GALK2: variants seen among roughly 807,000 people sequenced by gnomAD.
The protein encoded by GALK2 is N-acetylgalactosamine kinase.
GALK2 carries 36 observed loss-of-function variants against 52.4 expected under a neutral mutation model. That is an observed-to-expected ratio of 0.69 (90% confidence interval 0.53 to 0.91). GALK2 has a LOEUF of 0.91. Ranked by LOEUF, GALK2 falls within the 40% of genes least tolerant of loss-of-function variation. GALK2 has a pLI of 0.00. For synonymous variants in GALK2, 176 were observed against 199.1 expected (o/e 0.88, Z 0.98); for missense variants, 579 against 559.1 (o/e 1.04, Z -0.36).
intron 2 of GALK2, among the ~76,000 whole-genome samples, chr15:49,213,196 C>G (rs2089070938): frequency 6.6e-6 from 1 of 152,120 alleles, no homozygotes; most frequent in Non-Finnish European, 1.5e-5. Flanking sequence ...CATATATTTA[C>G]AATTGTTATA....
At chr15:49,157,961 T>C (rs949536959) in intron 1 of GALK2, among the ~76,000 whole-genome samples, 2 of 152,034 alleles carry the variant, frequency 1.3e-5, no homozygotes, top group Non-Finnish European at 2.9e-5. Flanking sequence ...TGAAGATAAG[T>C]GAAATAGTAA....
intron 3 of GALK2, among the ~76,000 whole-genome samples, chr15:49,354,938 C>A (rs889388375): frequency 3.3e-5 from 5 of 151,982 alleles, no homozygotes; most frequent in African/African-American, 1.2e-4. Context: ...GACCCCTGAC[C>A]CTCGAGCAGC....
At position 49,329,562 on chromosome 15, in the gene GALK2, A is replaced by C; in HGVS notation, c.*1403A>C. 1.0e-6 allele frequency: 1 copy of C among 984,808 alleles called. No homozygotes were observed. Among genetic ancestry groups the C allele is most frequent in the Non-Finnish European group, 1.2e-6 (1 of 829,378 alleles). The allele number at this position is 984,808 out of a possible 1,614,324, so 61.0% of individuals were successfully genotyped here. A position where few individuals can be genotyped will look rare whatever the true frequency, so the allele number is the denominator to read the frequency against. On this transcript the variant is annotated 3_prime_UTR_variant, in exon 10 of 10. Coordinates refer to ENST00000560031, the MANE Select transcript of GALK2 (RefSeq NM_002044.4). ...CTTAAAGGATAACAGTCATACATAG[A>C]ATACTAGGAAAGCCAATATTCTATT... is the stretch of plus-strand genomic sequence containing the variant.
At chr15:49,164,339 G>A (rs1198125112) in intron 1 of GALK2, among the ~76,000 whole-genome samples, 1 of 126,530 alleles carries the variant, frequency 7.9e-6, no homozygotes, top group African/African-American at 3.0e-5. Context: ...ATTAGCAAAT[G>A]TATTCCAAAA....
chr15:49,302,217 C>T (rs140421375), intron 8 of GALK2, among the ~76,000 whole-genome samples: 16 of 152,136 alleles, frequency 1.1e-4, no homozygotes, highest in African/African-American at 3.1e-4. Context: ...GCACCAATTA[C>T]GGGAGGTGAT....
intron 3 of GALK2, among the ~76,000 whole-genome samples, chr15:49,358,690 C>T (rs1252151897): frequency 1.3e-5 from 2 of 150,564 alleles, no homozygotes; most frequent in Non-Finnish European, 3.0e-5. Context: ...TCAATGCCAT[C>T]CCCATCAAGC....
chr15:49,229,978 T>G (rs545958724), intron 3 of GALK2, among the ~76,000 whole-genome samples: 1 of 152,138 alleles, frequency 6.6e-6, no homozygotes, highest in African/African-American at 2.4e-5. Flanking sequence ...AGTCTGTATT[T>G]AGGGCTCGTG....
chr15:49,159,449 C>T (rs904871199), intron 1 of GALK2, among the ~76,000 whole-genome samples: 1 of 151,670 alleles, frequency 6.6e-6, no homozygotes, highest in African/African-American at 2.4e-5. Context: ...GGCATGGTGG[C>T]GGGTGCCTGT....
At chr15:49,302,912 G>A (rs1321298579) in intron 8 of GALK2, among the ~76,000 whole-genome samples, 2 of 152,114 alleles carry the variant, frequency 1.3e-5, no homozygotes, top group South Asian at 2.1e-4. Flanking sequence ...ATAGACTGTT[G>A]TAAAACAAAG....
intron 1 of GALK2, among the ~76,000 whole-genome samples, chr15:49,172,150 A>G (rs2085145894): frequency 6.6e-6 from 1 of 152,230 alleles, no homozygotes; most frequent in Non-Finnish European, 1.5e-5. Context: ...TTGTAATAAT[A>G]AAGATCAACA....
intron 1 of GALK2, among the ~76,000 whole-genome samples, chr15:49,159,477 G>C (rs578206989): frequency 6.6e-6 from 1 of 151,470 alleles, no homozygotes; most frequent in Non-Finnish European, 1.5e-5. Flanking sequence ...GCTGGAGGCT[G>C]AGGCAGGAGA....
chr15:49,286,827 T>G (rs186758039), intron 7 of GALK2, among the ~76,000 whole-genome samples: 1 of 152,296 alleles, frequency 6.6e-6, no homozygotes, highest in African/African-American at 2.4e-5. Context: ...CCTTTTATCT[T>G]GAGGTTGATG....
At chr15:49,292,843 A>G (rs2034077470) in intron 8 of GALK2, among the ~76,000 whole-genome samples, 1 of 152,018 alleles carries the variant, frequency 6.6e-6, no homozygotes, top group South Asian at 2.1e-4. Flanking sequence ...CTACTTGTAT[A>G]AAAAATGGAC....
chr15:49,286,699 T>G (rs16962288), intron 7 of GALK2, among the ~76,000 whole-genome samples: 9,184 of 152,268 alleles, frequency 0.06, 553 homozygotes, highest in African/African-American at 0.15. Context: ...GAGAAACAGT[T>G]CTGTAAACTT....
At chr15:49,358,276 A>G (rs1327754860) in intron 3 of GALK2, among the ~76,000 whole-genome samples, 15 of 139,286 alleles carry the variant, frequency 1.1e-4, no homozygotes, top group African/African-American at 4.2e-4. Context: ...GTATTCAATT[A>G]GGAAAAGAGG....
intron 3 of GALK2, among the ~76,000 whole-genome samples, chr15:49,352,102 A>G (rs2042339504): frequency 6.6e-6 from 1 of 152,312 alleles, no homozygotes; most frequent in South Asian, 2.1e-4. Flanking sequence ...GCTGTGGCTC[A>G]TCCTCAGCTG....
At chr15:49,357,744 A>G (rs2043425870) in intron 3 of GALK2, among the ~76,000 whole-genome samples, 1 of 152,170 alleles carries the variant, frequency 6.6e-6, no homozygotes, top group Non-Finnish European at 1.5e-5. Context: ...TTATGAGGCC[A>G]GCATCATTCT....
chr15:49,211,502 T>C (rs1021097220), intron 2 of GALK2, among the ~76,000 whole-genome samples: 2 of 152,212 alleles, frequency 1.3e-5, no homozygotes, highest in Admixed American at 1.3e-4. Flanking sequence ...TTCAGGTATC[T>C]TTATAGCAAT....
intron 1 of GALK2, chr15:49,170,596 C>G (rs1471288040): frequency 1.8e-6 from 1 of 548,644 alleles, no homozygotes; most frequent in Non-Finnish European, 3.3e-6. Flanking sequence ...TTTTTTTCTT[C>G]ATCCATGCAG....
Sources: gnomAD v4.1 joint callset for allele counts (sites outside exome capture counted in the v4.1 genomes callset) on GRCh38, gnomAD v4.1.1 for gene constraint, MANE v1.5 for transcripts, NCBI Gene and HGNC (gene_info 2026-07-23, HGNC 2026-07-21) for gene names.